DOCK7: variants seen among roughly 807,000 people sequenced by gnomAD.
DOCK7 encodes the protein dedicator of cytokinesis 7, also known as dedicator of cytokinesis protein 7.
In DOCK7, 138 loss-of-function variants were observed where a neutral mutation model predicts 271.0. The ratio of observed to expected loss-of-function variants is 0.51; its 90% CI spans 0.44 to 0.59. The LOEUF (loss-of-function observed/expected upper bound fraction) is 0.59. Among genes scored for constraint, DOCK7 ranks in the 20% least tolerant of loss-of-function variants. The probability of loss-of-function intolerance (pLI) is 0.00; values close to 1 mark genes in which losing one functional copy is unlikely to be tolerated. For synonymous variants in DOCK7, 823 were observed against 876.1 expected (o/e 0.94, Z 1.07); for missense variants, 2,066 against 2,592.4 (o/e 0.80, Z 4.41).
At chr1:62,523,858 C>A (rs913646196) in intron 31 of DOCK7, among the ~76,000 whole-genome samples, 1 of 152,030 alleles carries the variant, frequency 6.6e-6, no homozygotes, top group African/African-American at 2.4e-5. Flanking sequence ...CAGAGCAAGA[C>A]TCTGTCTCCA....
chr1:62,620,879 G>A (rs376200392), intron 12 of DOCK7, among the ~76,000 whole-genome samples: 8 of 80,164 alleles, frequency 1.0e-4, no homozygotes, highest in South Asian at 8.0e-4. Context: ...AAAAGACTCC[G>A]TCTCAAAAAA....
intron 18 of DOCK7, among the ~76,000 whole-genome samples, chr1:62,564,889 T>C (rs1244242945): frequency 1.3e-5 from 2 of 152,038 alleles, no homozygotes; most frequent in African/African-American, 4.8e-5. Flanking sequence ...CCAACAGAAA[T>C]ACAAAATGCC....
chr1:62,554,305 T>C (rs961656499), intron 21 of DOCK7, among the ~76,000 whole-genome samples: 27 of 151,880 alleles, frequency 1.8e-4, no homozygotes, highest in African/African-American at 6.3e-4. Flanking sequence ...ACCCCGTCTC[T>C]ACTAAAAATA....
chr1:62,476,726 G>C (rs190468638), intron 44 of DOCK7, among the ~76,000 whole-genome samples: 2 of 152,174 alleles, frequency 1.3e-5, no homozygotes, highest in Non-Finnish European at 2.9e-5. Context: ...AGCAGCATGG[G>C]TAAAGGATGA....
At chr1:62,521,642 A>G (rs1644854106) in intron 31 of DOCK7, among the ~76,000 whole-genome samples, 1 of 152,220 alleles carries the variant, frequency 6.6e-6, no homozygotes, top group South Asian at 2.1e-4. Context: ...AAGTCAAGAA[A>G]TTTGAATACA....
At chr1:62,520,357 C>CA (rs1644808950) in intron 31 of DOCK7, among the ~76,000 whole-genome samples, 1 of 152,104 alleles carries the variant, frequency 6.6e-6, no homozygotes, top group Non-Finnish European at 1.5e-5. Flanking sequence ...ATCCAACTGA[C>CA]AAAGGGCTAA....
At chr1:62,619,650 A>C (rs1434009064) in intron 13 of DOCK7, among the ~76,000 whole-genome samples, 1 of 152,196 alleles carries the variant, frequency 6.6e-6, no homozygotes, top group Non-Finnish European at 1.5e-5. Context: ...ACTACAGGTA[A>C]CTGAAACTAC....
At chr1:62,519,266 A>G (rs1644773479) in intron 31 of DOCK7, among the ~76,000 whole-genome samples, 1 of 152,200 alleles carries the variant, frequency 6.6e-6, no homozygotes, top group Admixed American at 6.5e-5. Flanking sequence ...TTAAACAACA[A>G]GAGTACAGGA....
In DOCK7 at chr1:62,552,738, C is replaced by A. The variant is rs139010379; in HGVS notation, c.2760G>T (p.Gly920=). The change falls in exon 22 of 50, where the codon GGG becomes GGT. Residue 920 remains glycine (G), a synonymous_variant. Transcript: ENST00000635253. ...SPDDEVRSII[G]SKGLDRSNSW... ...ATGCATGTCTTCAGTTTACCTTACT[C>A]CCGATGATTGATCGAACTTCATCAT... The A allele has an allele frequency of 6.2e-7, 1 of 1,610,494 alleles. No homozygotes were observed. The highest frequency in any genetic ancestry group is 1.7e-5 in the Admixed American group (1 of 59,688).
In DOCK7 at chr1:62,539,664, A is replaced by G. The variant is rs778419430; in HGVS notation, c.3187-6T>C. The G allele has an allele frequency of 6.2e-7, 1 of 1,611,968 alleles. No homozygotes were observed. Among genetic ancestry groups the G allele is most frequent in the Non-Finnish European group, 8.5e-7 (1 of 1,179,376 alleles). Reference sequence around the variant, plus strand: ...CTCTCAACCATTTCTGTGTCCTGTGAAACAGAATATAAAACAAAAACAAAT... The same window carrying G: ...CTCTCAACCATTTCTGTGTCCTGTGGAACAGAATATAAAACAAAAACAAAT... On this transcript the variant is annotated splice_polypyrimidine_tract_variant and splice_region_variant and intron_variant, in intron 26 of 49. Transcript: ENST00000635253.
chr1:62,535,440 C>T, intron 29 of DOCK7, 53 bp downstream of exon 29: 1 of 1,512,450 alleles, frequency 6.6e-7, no homozygotes, highest in Non-Finnish European at 9.1e-7. Flanking sequence ...ATACTTCTGT[C>T]CACTGTTCAA....
chr1:62,508,161 A>G, intron 34 of DOCK7, 103 bp from the exon 35 acceptor site: 4 of 1,025,350 alleles, frequency 3.9e-6, no homozygotes, highest in Admixed American at 3.4e-5. Context: ...ACCATTTTCA[A>G]TATTTGCCTG....
At chr1:62,599,812 T>C (rs1296031633) in intron 14 of DOCK7, among the ~76,000 whole-genome samples, 1 of 151,940 alleles carries the variant, frequency 6.6e-6, no homozygotes, top group Non-Finnish European at 1.5e-5. Context: ...AATGTAAACA[T>C]CTGGTGAAGT....
chr1:62,677,120 A>C (rs1010561615), intron 1 of DOCK7, among the ~76,000 whole-genome samples: 1 of 152,210 alleles, frequency 6.6e-6, no homozygotes, highest in South Asian at 2.1e-4. Context: ...AAAGAACATC[A>C]GCTGTTTTGC....
chr1:62,592,751 T>C (rs1487947814), intron 14 of DOCK7, among the ~76,000 whole-genome samples: 1 of 152,122 alleles, frequency 6.6e-6, no homozygotes, highest in Non-Finnish European at 1.5e-5. Flanking sequence ...TTTTTGCCTT[T>C]TTCATTAAAA....
Position 62,545,043 on chromosome 1 carries a change from A to G in DOCK7, c.2767-4T>C, listed in dbSNP as rs2149404344. 5.8e-6 allele frequency: 9 copies of G among 1,544,860 alleles called. No individual in the cohort carries two copies. The highest frequency in any genetic ancestry group is 7.9e-6 in the Non-Finnish European group (9 of 1,144,158). ...AGGAATTGGAGCGATCTAAACCCTA[A>G]GCATATAATAGAAAGCAGTTTGAAA... On this transcript the variant is annotated splice_polypyrimidine_tract_variant and splice_region_variant and intron_variant, in intron 22 of 49. Coordinates refer to ENST00000635253, the MANE Select transcript of DOCK7 (RefSeq NM_001367561.1).
Position 62,489,106 on chromosome 1 carries a change from A to G in DOCK7, c.5362-41T>C, listed in dbSNP as rs943913982. ...TTGTTAAGATGTTGCTTTCTTTTAC[A>G]TCAATAAGAAAGAAAAGTAATTATA... On this transcript the variant is annotated intron_variant, in intron 41 of 49. Transcript: ENST00000635253. The G allele has an allele frequency of 2.7e-6, 4 of 1,505,398 alleles. No individual in the cohort carries two copies. In the African/African-American group the frequency reaches 4.2e-5, roughly 16 times the overall value. 93.3% of individuals were successfully genotyped at this position (1,505,398 alleles called of 1,614,324 possible). A position where few individuals can be genotyped will look rare whatever the true frequency, so the allele number is the denominator to read the frequency against.
At chr1:62,679,766 A>G (rs576554413) in intron 1 of DOCK7, among the ~76,000 whole-genome samples, 2 of 152,354 alleles carry the variant, frequency 1.3e-5, no homozygotes, top group African/African-American at 4.8e-5. Flanking sequence ...ATTGCCATCT[A>G]TGAGTGAACT....
chr1:62,564,760 A>C (rs559298230), intron 18 of DOCK7, among the ~76,000 whole-genome samples: 25 of 152,314 alleles, frequency 1.6e-4, no homozygotes, highest in Admixed American at 3.9e-4. Flanking sequence ...CAATGAATCC[A>C]GGAGCTGGTT....
Sources: gnomAD v4.1 joint callset for allele counts (sites outside exome capture counted in the v4.1 genomes callset) on GRCh38, gnomAD v4.1.1 for gene constraint, MANE v1.5 for transcripts, NCBI Gene and HGNC (gene_info 2026-07-23, HGNC 2026-07-21) for gene names.